HIPK2: variants seen among roughly 807,000 people sequenced by gnomAD.
HIPK2 encodes homeodomain interacting protein kinase 2, also known as homeodomain-interacting protein kinase 2.
Under a neutral mutation model 113.7 loss-of-function variants are expected in HIPK2, and 27 were observed. That is an observed-to-expected ratio of 0.24 (90% CI 0.17 to 0.33). The LOEUF (loss-of-function observed/expected upper bound fraction) is 0.33. Among genes scored for constraint, HIPK2 ranks in the 10% least tolerant of loss-of-function variants. HIPK2 has a pLI of 1.00. For synonymous variants in HIPK2, 631 were observed against 642.2 expected (o/e 0.98, Z 0.26); for missense variants, 1,257 against 1,588.0 (o/e 0.79, Z 3.54).
At chr7:139,586,876 T>C (rs777026697) in intron 12 of HIPK2, among the ~76,000 whole-genome samples, 8 of 152,110 alleles carry the variant, frequency 5.3e-5, no homozygotes, top group Non-Finnish European at 1.2e-4. Context: ...ATGAAATATC[T>C]AGAACAGGCA....
chr7:139,596,418 G>A (rs1799215641), intron 12 of HIPK2, among the ~76,000 whole-genome samples: 1 of 152,224 alleles, frequency 6.6e-6, no homozygotes, highest in African/African-American at 2.4e-5. Context: ...ACTTACAGAG[G>A]ATGAAATACA....
intron 2 of HIPK2, among the ~76,000 whole-genome samples, chr7:139,705,322 C>T (rs1794857590): frequency 6.6e-6 from 1 of 152,146 alleles, no homozygotes. Context: ...TCATTCAGTC[C>T]CTACCAACCT....
chr7:139,747,195 G>C (rs1009456122), intron 1 of HIPK2, among the ~76,000 whole-genome samples: 1 of 152,190 alleles, frequency 6.6e-6, no homozygotes, highest in African/African-American at 2.4e-5. Context: ...CACACTCCCT[G>C]CAGCAGCCAT....
chr7:139,740,365 C>G (rs988599502), intron 1 of HIPK2, among the ~76,000 whole-genome samples: 7 of 152,218 alleles, frequency 4.6e-5, no homozygotes. Context: ...GCATGGCAGA[C>G]GAGGGTTGGC....
At chr7:139,668,529 C>T (rs1802140861) in intron 2 of HIPK2, among the ~76,000 whole-genome samples, 3 of 151,004 alleles carry the variant, frequency 2.0e-5, no homozygotes, top group South Asian at 4.2e-4. Flanking sequence ...TGAGATCGCG[C>T]CACTGCACTC....
chr7:139,586,825 C>T (rs1798847684), intron 12 of HIPK2, among the ~76,000 whole-genome samples: 1 of 151,702 alleles, frequency 6.6e-6, no homozygotes, highest in African/African-American at 2.4e-5. Flanking sequence ...ATGAAATAAA[C>T]CAGACACAAA....
chr7:139,604,616 G>A (rs919769976), intron 9 of HIPK2, among the ~76,000 whole-genome samples: 3 of 145,582 alleles, frequency 2.1e-5, no homozygotes, highest in African/African-American at 7.7e-5. Flanking sequence ...GGGAGGTGGA[G>A]CTTGAAGAAG....
chr7:139,657,554 T>C (rs1000637280), intron 2 of HIPK2, among the ~76,000 whole-genome samples: 6 of 152,220 alleles, frequency 3.9e-5, no homozygotes, highest in African/African-American at 1.4e-4. Flanking sequence ...CCTGCCTGGG[T>C]AGACCTTTAC....
intron 10 of HIPK2, among the ~76,000 whole-genome samples, chr7:139,601,482 C>G (rs1055056745): frequency 2.0e-5 from 3 of 152,200 alleles, no homozygotes; most frequent in Non-Finnish European, 4.4e-5. Context: ...TGAATTCCCT[C>G]AGTGGCTGGA....
intron 2 of HIPK2, among the ~76,000 whole-genome samples, chr7:139,644,065 A>G (rs1255546316): frequency 1.3e-5 from 2 of 152,226 alleles, no homozygotes; most frequent in Admixed American, 6.5e-5. Flanking sequence ...TGTTTGCAGA[A>G]GCACCTATCA....
chr7:139,645,689 T>C (rs1801191084), intron 2 of HIPK2, among the ~76,000 whole-genome samples: 1 of 152,168 alleles, frequency 6.6e-6, no homozygotes, highest in Non-Finnish European at 1.5e-5. Context: ...TGGATGAGGC[T>C]GGCCTTGCTC....
chr7:139,584,108 A>G, intron 12 of HIPK2, 44 bp from the exon 13 acceptor site: 1 of 1,548,342 alleles, frequency 6.5e-7, no homozygotes. Context: ...GAAGGCCGTG[A>G]GGTGAGACAC....
In HIPK2 at chr7:139,568,584, C is replaced by T. The variant is rs1798165247; in HGVS notation, c.*4343G>A. 6.6e-6 allele frequency: 1 copy of T among 152,262 alleles called. No individual in the cohort carries two copies. The highest frequency in any genetic ancestry group is 2.4e-5 in the African/African-American group (1 of 41,458). The allele number at this position is 152,262 out of a possible 1,614,324, so 9.4% of individuals were successfully genotyped here. The stretch of plus-strand genomic sequence containing the variant: ...CTGACATTTCAAATCTTCCCCTCTT[C>T]CTCTGAACAATGTCTCTTCAAATGG... On this transcript the variant is annotated 3_prime_UTR_variant, in exon 15 of 15. Coordinates refer to ENST00000406875, the MANE Select transcript of HIPK2 (RefSeq NM_022740.5).
chr7:139,670,562 T>C (rs1483961112), intron 2 of HIPK2, among the ~76,000 whole-genome samples: 4 of 146,624 alleles, frequency 2.7e-5, no homozygotes, highest in South Asian at 2.1e-4. Flanking sequence ...GCCTGGGTGA[T>C]AGAGCAAGAC....
chr7:139,690,467 T>G (rs1206446371), intron 2 of HIPK2, among the ~76,000 whole-genome samples: 1 of 152,144 alleles, frequency 6.6e-6, no homozygotes, highest in Non-Finnish European at 1.5e-5. Flanking sequence ...AGATCCCTCA[T>G]GAACGGCTTA....
intron 2 of HIPK2, among the ~76,000 whole-genome samples, chr7:139,700,614 C>T (rs1380694570): frequency 6.6e-6 from 1 of 152,208 alleles, no homozygotes; most frequent in African/African-American, 2.4e-5. Context: ...CCCTCCCACT[C>T]TGGTCAATCT....
intron 2 of HIPK2, among the ~76,000 whole-genome samples, chr7:139,638,681 A>G (rs183875555): frequency 0.019 from 2,647 of 140,846 alleles, 119 homozygotes; most frequent in African/African-American, 0.07. Context: ...TTTTTGAGAC[A>G]GAGTCTCACT....
At position 139,561,973 on chromosome 7, in the gene HIPK2, T is replaced by C. The variant is rs1035342240; in HGVS notation, c.*10954A>G. 1 of 152,172 alleles carries C rather than the reference T, an allele frequency of 6.6e-6. No individual in the cohort carries two copies. Among genetic ancestry groups the C allele is most frequent in the Non-Finnish European group, 1.5e-5 (1 of 68,042 alleles). The allele number at this position is 152,172 out of a possible 1,614,324, so 9.4% of individuals were successfully genotyped here. A position where few individuals can be genotyped will look rare whatever the true frequency, so the allele number is the denominator to read the frequency against. On this transcript the variant is annotated 3_prime_UTR_variant, in exon 15 of 15. Transcript: ENST00000406875. ...CACAAGCATTTTAGTAGCAAGGACT[T>C]GATCAGTTAAGAATTAGTTTTCTTG... is the stretch of plus-strand genomic sequence containing the variant.
intron 2 of HIPK2, among the ~76,000 whole-genome samples, chr7:139,711,077 C>T (rs1795052587): frequency 6.6e-6 from 1 of 151,894 alleles, no homozygotes; most frequent in African/African-American, 2.4e-5. Flanking sequence ...TACACACCCC[C>T]ACCTAAAACC....
Sources: gnomAD v4.1 joint callset for allele counts (sites outside exome capture counted in the v4.1 genomes callset) on GRCh38, gnomAD v4.1.1 for gene constraint, MANE v1.5 for transcripts, NCBI Gene and HGNC (gene_info 2026-07-23, HGNC 2026-07-21) for gene names.